The following NBEA variants were observed in gnomAD, a reference collection of about 807,000 sequenced individuals.
The protein encoded by NBEA is neurobeachin.
In NBEA, 44 loss-of-function variants were observed where a neutral mutation model predicts 343.4. The observed-to-expected ratio is 0.13, with a 90% CI of 0.10 to 0.16. The LOEUF (loss-of-function observed/expected upper bound fraction) is 0.16. NBEA is among the 10% of genes least tolerant of loss of function. NBEA has a pLI of 1.00. For synonymous variants in NBEA, 1,175 were observed against 1,238.7 expected (o/e 0.95, Z 1.08); for missense variants, 2,555 against 3,631.3 (o/e 0.70, Z 7.62).
intron 40 of NBEA, among the ~76,000 whole-genome samples, chr13:35,455,634 A>T (rs1440325500): frequency 6.6e-6 from 1 of 152,134 alleles, no homozygotes; most frequent in African/African-American, 2.4e-5. Flanking sequence ...GAAAATATTG[A>T]CAAATGGATA....
intron 36 of NBEA, among the ~76,000 whole-genome samples, chr13:35,342,235 G>A (rs1160703455): frequency 6.6e-6 from 1 of 152,000 alleles, no homozygotes; most frequent in African/African-American, 2.4e-5. Flanking sequence ...TAAGTATAAG[G>A]ATTTTTGCAG....
At chr13:34,993,293 CA>C (rs2060826798) in intron 1 of NBEA, among the ~76,000 whole-genome samples, 2 of 152,104 alleles carry the variant, frequency 1.3e-5, no homozygotes, top group South Asian at 4.1e-4. Flanking sequence ...TTATATGCAC[CA>C]ATAGCATCCT....
rs150148418 is a variant in NBEA at position 35,644,208 on chromosome 13, G to A, written c.7618-1661G>A. The stretch of plus-strand genomic sequence containing the variant: ...CAGTATAGTCTCAAAAGAAATAAAC[G>A]TTCAGTGTCGAGAACTGACTGTCTT... On this transcript the variant is annotated intron_variant, in intron 49 of 58. Coordinates refer to ENST00000379939, the MANE Select transcript of NBEA (RefSeq NM_001385012.1). 1.6e-3 allele frequency among the ~76,000 whole-genome samples: 241 copies of A among 152,250 alleles called. 1 individual carries two copies. Among genetic ancestry groups the A allele is most frequent in the African/African-American group, 5.6e-3 (231 of 41,562 alleles).
chr13:35,446,312 A>G (rs2046040860), intron 39 of NBEA, among the ~76,000 whole-genome samples: 1 of 152,152 alleles, frequency 6.6e-6, no homozygotes, highest in South Asian at 2.1e-4. Context: ...CATGATTTAT[A>G]ATCCTTTGGG....
intron 34 of NBEA, among the ~76,000 whole-genome samples, chr13:35,256,126 A>G (rs1318650147): frequency 6.6e-6 from 1 of 152,174 alleles, no homozygotes; most frequent in Non-Finnish European, 1.5e-5. Flanking sequence ...TGTCCCGATA[A>G]GTGTCCCAGC....
intron 34 of NBEA, among the ~76,000 whole-genome samples, chr13:35,256,412 G>GA (rs2032596489): frequency 6.6e-6 from 1 of 152,170 alleles, no homozygotes; most frequent in South Asian, 2.1e-4. Flanking sequence ...AGACAGGCCT[G>GA]AAAAAATCAC....
At chr13:35,178,987 T>C (rs2152728070) in intron 28 of NBEA, among the ~76,000 whole-genome samples, 1 of 151,322 alleles carries the variant, frequency 6.6e-6, no homozygotes, top group East Asian at 1.9e-4. Context: ...ACCGGAGGAG[T>C]TTCTATTAAG....
At chr13:35,421,803 G>A (rs142500599) in intron 38 of NBEA, among the ~76,000 whole-genome samples, 4,522 of 152,012 alleles carry the variant, frequency 0.03, 106 homozygotes, top group Non-Finnish European at 0.045. Flanking sequence ...TGGGGTTGAC[G>A]GTTCTTCTCT....
chr13:35,150,582 A>G (rs2068712348), intron 18 of NBEA, among the ~76,000 whole-genome samples: 1 of 152,248 alleles, frequency 6.6e-6, no homozygotes, highest in Non-Finnish European at 1.5e-5. Context: ...TCTTGTTAGC[A>G]TCAACCAGGT....
At chr13:35,088,462 A>G (rs2064888865) in intron 10 of NBEA, among the ~76,000 whole-genome samples, 1 of 151,880 alleles carries the variant, frequency 6.6e-6, no homozygotes, top group African/African-American at 2.4e-5. Flanking sequence ...GGATTTCTCA[A>G]ACTATATGGT....
chr13:34,975,416 G>A (rs920509929), intron 1 of NBEA, among the ~76,000 whole-genome samples: 5 of 152,146 alleles, frequency 3.3e-5, no homozygotes, highest in African/African-American at 1.2e-4. Context: ...ACATGTAGAA[G>A]AATGAAACTG....
intron 41 of NBEA, among the ~76,000 whole-genome samples, chr13:35,527,214 TGGTGATTGGTCCATG>T (rs1184682841): frequency 6.6e-6 from 1 of 152,100 alleles, no homozygotes; most frequent in Non-Finnish European, 1.5e-5. Flanking sequence ...AGGAAGTACA[TGGTGATTGGTCCATG>T]GGTGAACGTG....
chr13:35,080,390 G>A (rs1184748426), intron 10 of NBEA, among the ~76,000 whole-genome samples: 1 of 152,134 alleles, frequency 6.6e-6, no homozygotes, highest in African/African-American at 2.4e-5. Context: ...AGGGACTTGA[G>A]TGGGGTCTTA....
chr13:35,003,336 C>G (rs1352142515), intron 1 of NBEA, among the ~76,000 whole-genome samples: 5 of 152,052 alleles, frequency 3.3e-5, no homozygotes, highest in South Asian at 2.1e-4. Flanking sequence ...TGCCACTGCA[C>G]TAGCCTGGGC....
At chr13:34,966,981 A>T (rs1243510294) in intron 1 of NBEA, among the ~76,000 whole-genome samples, 1 of 149,728 alleles carries the variant, frequency 6.7e-6, no homozygotes, top group Non-Finnish European at 1.5e-5. Context: ...TTTTCTCATA[A>T]CAAGACTTTC....
intron 34 of NBEA, among the ~76,000 whole-genome samples, chr13:35,287,254 A>G (rs1056996181): frequency 3.3e-5 from 5 of 151,964 alleles, no homozygotes; most frequent in Non-Finnish European, 5.9e-5. Flanking sequence ...AAAATATTCT[A>G]TTACTTTGCC....
At chr13:35,165,238 A>G (rs1268932581) in intron 24 of NBEA, 3 of 429,940 alleles carry the variant, frequency 7.0e-6, no homozygotes, top group African/African-American at 6.2e-5. Context: ...ATCATTAACA[A>G]GCTTTTTCTA....
chr13:35,180,784 A>T (rs2071261956), intron 28 of NBEA, among the ~76,000 whole-genome samples: 1 of 151,788 alleles, frequency 6.6e-6, no homozygotes, highest in Non-Finnish European at 1.5e-5. Context: ...TGATCAATAT[A>T]CACTGACCCC....
chr13:35,040,757 T>C (rs2062620710), intron 1 of NBEA, among the ~76,000 whole-genome samples, 176 bp from the exon 2 acceptor site: 1 of 152,110 alleles, frequency 6.6e-6, no homozygotes, highest in African/African-American at 2.4e-5. Flanking sequence ...CTAGTTTCGA[T>C]GCTCACAATG....
Sources: allele counts gnomAD v4.1 joint callset (sites outside exome capture counted in the v4.1 genomes callset), GRCh38; gene constraint gnomAD v4.1.1; transcripts MANE v1.5; gene names NCBI Gene and HGNC (gene_info 2026-07-23, HGNC 2026-07-21).